DMD: variants seen among roughly 807,000 people sequenced by gnomAD.
The protein encoded by DMD is dystrophin, also known as mutant dystrophin.
Under a neutral mutation model 330.1 loss-of-function variants are expected in DMD, and 63 were observed. The ratio of observed to expected loss-of-function variants is 0.19; its 90% confidence interval spans 0.16 to 0.24. The LOEUF is 0.24. DMD is among the 10% of genes least tolerant of loss of function. DMD has a pLI of 1.00. For synonymous variants in DMD, 1,223 were observed against 959.8 expected (o/e 1.27, Z -5.07); for missense variants, 3,344 against 2,684.1 (o/e 1.25, Z -5.43).
At chrX:31,513,468 A>G (rs1023819835) in intron 55 of DMD, among the ~76,000 whole-genome samples, 1 of 110,954 alleles carries the variant, frequency 9.0e-6, no homozygotes, top group East Asian at 2.8e-4. Context: ...CAAAAGAGCA[A>G]AAGATTGATA....
intron 47 of DMD, among the ~76,000 whole-genome samples, chrX:31,881,550 T>A (rs1033406354): frequency 8.9e-6 from 1 of 112,125 alleles, no homozygotes; most frequent in African/African-American, 3.2e-5. Flanking sequence ...CAGAGCAACT[T>A]TGAGTCCTGC....
chrX:32,839,916 G>A (rs1035844274), intron 4 of DMD, among the ~76,000 whole-genome samples: 13 of 110,973 alleles, frequency 1.2e-4, no homozygotes, highest in African/African-American at 3.6e-4. Context: ...TCACCATGTT[G>A]GCCAGGATGG....
chrX:33,290,312 A>G (rs182233784), intron 1 of DMD, among the ~76,000 whole-genome samples: 1 of 111,596 alleles, frequency 9.0e-6, no homozygotes, highest in East Asian at 2.8e-4. Flanking sequence ...CAATCCCTAT[A>G]TAAGTACCTC....
chrX:32,818,568 A>G (rs112017080), intron 5 of DMD, among the ~76,000 whole-genome samples: 1,302 of 111,914 alleles, frequency 0.012, 18 homozygotes, highest in African/African-American at 0.039. Context: ...GTGTGCGCGC[A>G]TACAACTATA....
intron 50 of DMD, among the ~76,000 whole-genome samples, chrX:31,805,173 G>A (rs2092247577): frequency 1.8e-5 from 2 of 111,761 alleles, no homozygotes; most frequent in Non-Finnish European, 1.9e-5. Flanking sequence ...ACTGGAAAAT[G>A]GCTTCTTATC....
chrX:32,802,480 C>G (rs2076646691), intron 7 of DMD, among the ~76,000 whole-genome samples: 1 of 111,338 alleles, frequency 9.0e-6, no homozygotes. Context: ...TTTCTCCTGC[C>G]TGATTGTGCT....
chrX:33,010,082 A>ATATG lies in DMD; in HGVS notation c.93+10056_93+10057insCATA, dbSNP rs1491564207. Among the ~76,000 whole-genome samples, 20 of 27,716 alleles carry ATATG rather than the reference A, an allele frequency of 7.2e-4. 2 individuals carry two copies. The highest frequency in any genetic ancestry group is 4.5e-3 in the African/African-American group (16 of 3,586). The allele number at this position is 27,716 out of a possible 115,157, so 24.1% of individuals were successfully genotyped here. On this transcript the variant is annotated intron_variant, in intron 2 of 78. Coordinates refer to ENST00000357033, the MANE Select transcript of DMD (RefSeq NM_004006.3). ...CGTGTATATATACACAAATGTGCAC[A>ATATG]TGTGTATATATACATGTATATGCAC...
At chrX:33,050,185 A>G (rs945352872) in intron 1 of DMD, among the ~76,000 whole-genome samples, 1 of 112,000 alleles carries the variant, frequency 8.9e-6, no homozygotes, top group African/African-American at 3.2e-5. Flanking sequence ...ATTGAGGCCA[A>G]CTTTGATCAA....
intron 49 of DMD, among the ~76,000 whole-genome samples, chrX:31,829,123 A>G (rs2149459615): frequency 8.9e-6 from 1 of 111,776 alleles, no homozygotes; most frequent in Admixed American, 9.5e-5. Flanking sequence ...TAACTCAGGA[A>G]CGGAAAACTA....
chrX:32,540,795 T>A (rs2048415340), intron 17 of DMD, among the ~76,000 whole-genome samples: 4 of 111,490 alleles, frequency 3.6e-5, no homozygotes, highest in Admixed American at 2.9e-4. Context: ...CTGGCTGAAG[T>A]GGAATAATGA....
intron 34 of DMD, among the ~76,000 whole-genome samples, chrX:32,373,877 A>T (rs1421335335): frequency 4.5e-5 from 5 of 111,653 alleles, no homozygotes; most frequent in Non-Finnish European, 3.8e-5. Context: ...CATATTGAGG[A>T]TCCTGGACCC....
intron 9 of DMD, among the ~76,000 whole-genome samples, chrX:32,683,156 G>A (rs1006531732): frequency 9.0e-6 from 1 of 111,162 alleles, no homozygotes; most frequent in African/African-American, 3.3e-5. Flanking sequence ...CCACAATTGG[G>A]TTATCATGGT....
chrX:33,330,877 C>G (rs755114594), intron 1 of DMD, among the ~76,000 whole-genome samples: 1 of 111,886 alleles, frequency 8.9e-6, no homozygotes, highest in Admixed American at 9.6e-5. Context: ...TTCCACATCA[C>G]TCACACTAGG....
intron 39 of DMD, 86 bp downstream of exon 39, chrX:32,345,857 C>A: frequency 5.8e-6 from 6 of 1,032,335 alleles, no homozygotes; most frequent in South Asian, 2.0e-5. Flanking sequence ...AAGTCTGAAG[C>A]AGATTTTATT....
chrX:32,412,858 A>C (rs1363984292), intron 29 of DMD, among the ~76,000 whole-genome samples: 2 of 111,160 alleles, frequency 1.8e-5, no homozygotes, highest in African/African-American at 6.5e-5. Context: ...TATATATAGA[A>C]TATTAGATAT....
intron 43 of DMD, among the ~76,000 whole-genome samples, chrX:32,223,737 T>C (rs192531124): frequency 1.8e-5 from 2 of 112,035 alleles, no homozygotes; most frequent in East Asian, 5.6e-4. Flanking sequence ...CCACATGGAA[T>C]TGTCAGACTT....
intron 62 of DMD, among the ~76,000 whole-genome samples, chrX:31,289,511 C>A (rs1351022127): frequency 9.1e-6 from 1 of 110,267 alleles, no homozygotes; most frequent in East Asian, 2.8e-4. Flanking sequence ...AGATGAACAG[C>A]AAAATATAAG....
At chrX:32,260,522 C>G (rs958616874) in intron 43 of DMD, among the ~76,000 whole-genome samples, 3 of 111,551 alleles carry the variant, frequency 2.7e-5, no homozygotes, top group Non-Finnish European at 3.8e-5. Context: ...TCTGTAAACT[C>G]TATAAACTGG....
chrX:32,435,223 T>C (rs1305554032), intron 29 of DMD, among the ~76,000 whole-genome samples: 1 of 102,282 alleles, frequency 9.8e-6, no homozygotes, highest in Non-Finnish European at 2.0e-5. Context: ...TATATATATA[T>C]GTATATTTAC....
Sources: allele counts gnomAD v4.1 joint callset (sites outside exome capture counted in the v4.1 genomes callset), GRCh38; gene constraint gnomAD v4.1.1; transcripts MANE v1.5; gene names NCBI Gene and HGNC (gene_info 2026-07-23, HGNC 2026-07-21).